The following DLGAP1 variants were observed in gnomAD, a reference collection of about 807,000 sequenced individuals.
DLGAP1 encodes disks large-associated protein 1.
In DLGAP1, 11 loss-of-function variants were observed where a neutral mutation model predicts 90.8. The ratio of observed to expected loss-of-function variants is 0.12; its 90% confidence interval spans 0.08 to 0.20. The LOEUF (loss-of-function observed/expected upper bound fraction) is 0.20, where lower values mean the gene tolerates loss of function less well. DLGAP1 is among the 10% of genes least tolerant of loss of function. DLGAP1 has a pLI of 1.00. For synonymous variants in DLGAP1, 558 were observed against 540.7 expected (o/e 1.03, Z -0.44); for missense variants, 1,050 against 1,333.8 (o/e 0.79, Z 3.31).
intron 4 of DLGAP1, among the ~76,000 whole-genome samples, chr18:3,870,609 TATC>T (rs1568264992): frequency 3.6e-5 from 3 of 83,144 alleles, no homozygotes; most frequent in African/African-American, 1.1e-4. Context: ...TAAATACATC[TATC>T]TATCTATCTA....
intron 1 of DLGAP1, among the ~76,000 whole-genome samples, chr18:4,377,431 T>G (rs531942144): frequency 6.6e-6 from 1 of 152,174 alleles, no homozygotes; most frequent in Non-Finnish European, 1.5e-5. Context: ...AACTCTAAAA[T>G]GAACTTTAGT....
intron 1 of DLGAP1, among the ~76,000 whole-genome samples, chr18:4,289,593 T>TA (rs1453552831): frequency 1.3e-5 from 2 of 152,200 alleles, no homozygotes; most frequent in African/African-American, 4.8e-5. Context: ...ATGGAGGTGG[T>TA]AGGAGGGTAG....
At chr18:4,090,707 A>G (rs1316503039) in intron 2 of DLGAP1, among the ~76,000 whole-genome samples, 1 of 152,248 alleles carries the variant, frequency 6.6e-6, no homozygotes, top group Non-Finnish European at 1.5e-5. Flanking sequence ...ATCTAGAACC[A>G]GAAATACCAT....
intron 3 of DLGAP1, among the ~76,000 whole-genome samples, chr18:3,913,833 T>A (rs1028771915): frequency 6.6e-6 from 1 of 152,196 alleles, no homozygotes; most frequent in South Asian, 2.1e-4. Context: ...ACAAGGAACA[T>A]TACATGAAAC....
rs1001100798 is a variant in DLGAP1, at chr18:4,198,423, C to A, written c.-266-47136G>T. Reference sequence around the variant, plus strand: ...CCAAAGGCCATGATAACTTGTGTTTCTTTTTCTTCATTTAGGTACTGTAAT... The same window carrying A: ...CCAAAGGCCATGATAACTTGTGTTTATTTTTCTTCATTTAGGTACTGTAAT... On this transcript the variant is annotated intron_variant, in intron 1 of 12. Coordinates refer to ENST00000315677, the MANE Select transcript of DLGAP1 (RefSeq NM_004746.4). Among the ~76,000 whole-genome samples the A allele has an allele frequency of 7.2e-4, 110 of 152,026 alleles. 2 individuals carry two copies. Among genetic ancestry groups the A allele is most frequent in the African/African-American group, 2.6e-3 (107 of 41,410 alleles).
intron 5 of DLGAP1, among the ~76,000 whole-genome samples, chr18:3,760,338 C>CAG (rs2063909056): frequency 6.6e-6 from 1 of 152,094 alleles, no homozygotes; most frequent in Non-Finnish European, 1.5e-5. Context: ...TCAGACCTGC[C>CAG]GAGTTCTGCT....
At chr18:4,222,186 G>C (rs1057036832) in intron 1 of DLGAP1, among the ~76,000 whole-genome samples, 1 of 151,980 alleles carries the variant, frequency 6.6e-6, no homozygotes, top group Non-Finnish European at 1.5e-5. Flanking sequence ...AAACTTCTCT[G>C]AATTTCTGAC....
At chr18:3,708,616 A>G (rs2061509787) in intron 7 of DLGAP1, 1 of 436,496 alleles carries the variant, frequency 2.3e-6, no homozygotes, top group Non-Finnish European at 4.6e-6. Context: ...GGGCATCTGG[A>G]CTTAAGTGGC....
intron 2 of DLGAP1, among the ~76,000 whole-genome samples, chr18:4,035,507 T>A (rs2074873872): frequency 6.6e-6 from 1 of 152,172 alleles, no homozygotes; most frequent in South Asian, 2.1e-4. Flanking sequence ...AAAAAAGGAT[T>A]TTTAAAAATC....
chr18:3,525,511 T>TTCC (rs1470069452), intron 10 of DLGAP1, among the ~76,000 whole-genome samples: 4 of 152,182 alleles, frequency 2.6e-5, no homozygotes, highest in Admixed American at 2.6e-4. Context: ...GCAGTTCTCC[T>TTCC]TCCTCAGCCT....
At chr18:4,332,040 G>T (rs1250525510) in intron 1 of DLGAP1, among the ~76,000 whole-genome samples, 1 of 151,840 alleles carries the variant, frequency 6.6e-6, no homozygotes, top group African/African-American at 2.4e-5. Context: ...ACTAAAAGAA[G>T]TCACATAAAG....
At chr18:4,155,118 G>A (rs138823122) in intron 1 of DLGAP1, among the ~76,000 whole-genome samples, 1 of 152,140 alleles carries the variant, frequency 6.6e-6, no homozygotes, top group East Asian at 1.9e-4. Context: ...ATGTGAGGGA[G>A]TGAGTCCCAT....
chr18:4,299,713 C>CAAAA (rs145706693), intron 1 of DLGAP1, among the ~76,000 whole-genome samples: 4 of 151,868 alleles, frequency 2.6e-5, no homozygotes, highest in Admixed American at 1.3e-4. Context: ...AAAAAACAAA[C>CAAAA]AAAATACCAG....
chr18:4,336,789 T>A (rs2081075716), intron 1 of DLGAP1, among the ~76,000 whole-genome samples: 1 of 152,110 alleles, frequency 6.6e-6, no homozygotes, highest in South Asian at 2.1e-4. Flanking sequence ...GCTTATAGAA[T>A]TGAGTCTCTC....
intron 3 of DLGAP1, among the ~76,000 whole-genome samples, chr18:3,940,867 T>C (rs151333985): frequency 7.7e-4 from 118 of 152,322 alleles, no homozygotes; most frequent in Admixed American, 2.7e-3. Flanking sequence ...CATCAAAAAC[T>C]GATAGCTTAA....
rs1211918803 is a variant in DLGAP1 at position 3,565,659 on chromosome 18, AC to A, written c.2057+1830del. On this transcript the variant is annotated intron_variant, in intron 9 of 12. Transcript: ENST00000315677. This position sits in a 1 kb window ranked among gnomAD's most constrained non-coding sequence, Gnocchi z 4.0. Reference sequence around the variant, plus strand: ...AAACCATCCTGGCCAACATGGTGAAACCCCGTCTCTCTTAAAAATACAAAAA... The same window carrying A: ...AAACCATCCTGGCCAACATGGTGAAACCCGTCTCTCTTAAAAATACAAAAA... Among the ~76,000 whole-genome samples the A allele has an allele frequency of 1.3e-5, 2 of 148,860 alleles. No individual in the cohort carries two copies. The highest frequency in any genetic ancestry group is 4.9e-5 in the African/African-American group (2 of 40,492).
At chr18:3,613,462 A>G (rs1472987725) in intron 7 of DLGAP1, among the ~76,000 whole-genome samples, 1 of 152,028 alleles carries the variant, frequency 6.6e-6, no homozygotes, top group Non-Finnish European at 1.5e-5. Flanking sequence ...CCTCCTGAGT[A>G]TCTGGGACCA....
chr18:3,643,955 C>T (rs1442071965), intron 7 of DLGAP1, among the ~76,000 whole-genome samples: 3 of 152,182 alleles, frequency 2.0e-5, no homozygotes, highest in East Asian at 1.9e-4. Flanking sequence ...ATAATTAGTG[C>T]TCACCCATAT....
chr18:3,598,087 A>C (rs2056685849), intron 7 of DLGAP1: 1 of 152,298 alleles, frequency 6.6e-6, no homozygotes, highest in Non-Finnish European at 1.5e-5. Flanking sequence ...GCGGTGGCTC[A>C]CGCCTATAAT....
Sources: gnomAD v4.1 joint callset for allele counts (sites outside exome capture counted in the v4.1 genomes callset) on GRCh38, gnomAD v4.1.1 for gene constraint, Gnocchi (gnomAD v3.1) non-coding constraint, MANE v1.5 for transcripts, NCBI Gene and HGNC (gene_info 2026-07-23, HGNC 2026-07-21) for gene names.